ZEB1: variants seen among roughly 807,000 people sequenced by gnomAD.
ZEB1 encodes zinc finger E-box binding homeobox 1.
A neutral mutation model predicts 84.9 loss-of-function variants in ZEB1; 21 were observed. That is an observed-to-expected ratio of 0.25 (90% CI 0.18 to 0.36). ZEB1 has a LOEUF of 0.36. ZEB1 is among the 10% of genes least tolerant of loss of function. The pLI is 1.00. For missense variants in ZEB1, 1,104 were observed against 1,330.2 expected, an observed-to-expected ratio of 0.83 and a Z score of 2.65; for synonymous variants, 420 against 471.1, an observed-to-expected ratio of 0.89 and a Z score of 1.41.
At chr10:31,363,919 A>C in intron 1 of ZEB1, 1 of 1,313,852 alleles carries the variant, frequency 7.6e-7, no homozygotes, top group African/African-American at 1.5e-5. Context: ...CCGGGCAGGC[A>C]CAGGTGCAGG....
At chr10:31,335,646 A>G (rs970475673) in intron 1 of ZEB1, among the ~76,000 whole-genome samples, 1 of 152,124 alleles carries the variant, frequency 6.6e-6, no homozygotes, top group South Asian at 2.1e-4. Flanking sequence ...TCCAAAGAAA[A>G]TTTCCAGCCC....
At chr10:31,431,736 A>G (rs553272540) in intron 1 of ZEB1, among the ~76,000 whole-genome samples, 5 of 152,316 alleles carry the variant, frequency 3.3e-5, no homozygotes, top group Non-Finnish European at 7.4e-5. Context: ...AATAATTTTA[A>G]TACTTTAATG....
chr10:31,438,971 G>A (rs1237094857), intron 1 of ZEB1, among the ~76,000 whole-genome samples: 1 of 152,168 alleles, frequency 6.6e-6, no homozygotes, highest in South Asian at 2.1e-4. Context: ...GCAACATTAT[G>A]CTGAAAATTA....
intron 2 of ZEB1, among the ~76,000 whole-genome samples, chr10:31,476,210 C>T (rs1343881436): frequency 6.6e-6 from 1 of 151,776 alleles, no homozygotes; most frequent in African/African-American, 2.4e-5. Context: ...TGGTAGACCA[C>T]TAACTAGTTT....
intron 1 of ZEB1, among the ~76,000 whole-genome samples, chr10:31,376,625 T>A (rs1389269734): frequency 6.6e-6 from 1 of 151,728 alleles, no homozygotes; most frequent in Non-Finnish European, 1.5e-5. Context: ...GTGTGAGTAT[T>A]AACTCTGACA....
intron 5 of ZEB1, among the ~76,000 whole-genome samples, chr10:31,513,483 A>G (rs2070476020): frequency 6.6e-6 from 1 of 152,144 alleles, no homozygotes; most frequent in Admixed American, 6.6e-5. Context: ...AGTTAAGGGG[A>G]GAGGTTTAGA....
At chr10:31,392,622 T>G (rs1003244442) in intron 1 of ZEB1, among the ~76,000 whole-genome samples, 1 of 152,038 alleles carries the variant, frequency 6.6e-6, no homozygotes, top group African/African-American at 2.4e-5. Context: ...TTCTTTTTCT[T>G]GGTACTAACC....
chr10:31,426,861 A>G (rs996975652), intron 1 of ZEB1, among the ~76,000 whole-genome samples: 4 of 152,184 alleles, frequency 2.6e-5, no homozygotes, highest in Admixed American at 6.5e-5. Context: ...GATCAGAGAC[A>G]TATGTAAAAT....
intron 1 of ZEB1, among the ~76,000 whole-genome samples, chr10:31,431,638 C>G (rs1458918043): frequency 6.6e-6 from 1 of 152,094 alleles, no homozygotes; most frequent in African/African-American, 2.4e-5. Flanking sequence ...AAAGGCCATA[C>G]AGAAAATAAA....
intron 2 of ZEB1, among the ~76,000 whole-genome samples, chr10:31,494,826 T>C (rs1223592960): frequency 1.3e-5 from 2 of 152,054 alleles, no homozygotes; most frequent in Non-Finnish European, 2.9e-5. Flanking sequence ...TTATTTATAA[T>C]ACAAAATATT....
At chr10:31,352,870 T>C (rs1299955812) in intron 1 of ZEB1, among the ~76,000 whole-genome samples, 1 of 152,188 alleles carries the variant, frequency 6.6e-6, no homozygotes, top group Non-Finnish European at 1.5e-5. Context: ...GGAAGAGAAA[T>C]AGGCTTCATT....
intron 1 of ZEB1, among the ~76,000 whole-genome samples, chr10:31,401,624 C>A (rs1306470268): frequency 2.0e-5 from 3 of 152,146 alleles, no homozygotes; most frequent in Non-Finnish European, 4.4e-5. Flanking sequence ...TCTCTTTATG[C>A]TCATGTAGTT....
intron 1 of ZEB1, among the ~76,000 whole-genome samples, chr10:31,394,397 T>C (rs940130859): frequency 6.6e-6 from 1 of 152,190 alleles, no homozygotes; most frequent in Non-Finnish European, 1.5e-5. Context: ...TAAAGTTTTT[T>C]ATTAATGCCT....
At chr10:31,408,184 C>A (rs1051374441) in intron 1 of ZEB1, among the ~76,000 whole-genome samples, 3 of 150,852 alleles carry the variant, frequency 2.0e-5, no homozygotes, top group Non-Finnish European at 4.5e-5. Context: ...ATCCAACTTA[C>A]AAGGGATGTG....
intron 1 of ZEB1, chr10:31,363,606 C>A: frequency 6.6e-7 from 1 of 1,516,778 alleles, no homozygotes; most frequent in South Asian, 1.2e-5. Context: ...TCACCTCCGT[C>A]TTCGGGAGCC....
intron 1 of ZEB1, among the ~76,000 whole-genome samples, chr10:31,360,601 T>C (rs1196985965): frequency 1.3e-5 from 2 of 152,212 alleles, no homozygotes; most frequent in Non-Finnish European, 2.9e-5. Flanking sequence ...GTTAATTCAG[T>C]GGATCAGATG....
chr10:31,485,906 AAT>A (rs1224065184), intron 2 of ZEB1, among the ~76,000 whole-genome samples: 3 of 151,838 alleles, frequency 2.0e-5, no homozygotes, highest in Non-Finnish European at 4.4e-5. Context: ...TTCTACCACA[AAT>A]CCTGGCAACC....
intron 1 of ZEB1, among the ~76,000 whole-genome samples, chr10:31,400,513 T>TA (rs1048641139): frequency 7.3e-5 from 11 of 151,284 alleles, no homozygotes; most frequent in South Asian, 2.1e-4. Flanking sequence ...TGTGGAATAC[T>TA]AAAAAAAAAT....
intron 1 of ZEB1, chr10:31,319,566 C>T (rs991348346): frequency 2.1e-5 from 9 of 420,516 alleles, no homozygotes; most frequent in Non-Finnish European, 2.9e-5. Context: ...CTCCCTGGAC[C>T]GTTAGCCGGC....
Sources: allele counts gnomAD v4.1 joint callset (sites outside exome capture counted in the v4.1 genomes callset), GRCh38; gene constraint gnomAD v4.1.1; transcripts MANE v1.5; gene names NCBI Gene and HGNC (gene_info 2026-07-23, HGNC 2026-07-21).